KIF21A: variants seen among roughly 807,000 people sequenced by gnomAD.
KIF21A encodes the protein kinesin-like protein KIF21A.
A neutral mutation model predicts 202.9 loss-of-function variants in KIF21A; 114 were observed. That is an observed-to-expected ratio of 0.56 (90% CI 0.48 to 0.66). KIF21A has a LOEUF of 0.66. Ranked by LOEUF, KIF21A falls within the 30% of genes least tolerant of loss-of-function variation. The pLI is 0.00. For synonymous variants in KIF21A, 667 were observed against 670.8 expected, an observed-to-expected ratio of 0.99 and a Z score of 0.09; for missense variants, 1,677 against 1,994.9, an observed-to-expected ratio of 0.84 and a Z score of 3.04.
chr12:39,346,063 T>C (rs946870070), intron 12 of KIF21A, among the ~76,000 whole-genome samples: 1 of 151,990 alleles, frequency 6.6e-6, no homozygotes, highest in African/African-American at 2.4e-5. Context: ...ATTCAGCATG[T>C]GCTACAACAA....
At chr12:39,436,422 TTATATATA>T (rs1199818833) in intron 1 of KIF21A, among the ~76,000 whole-genome samples, 6 of 99,116 alleles carry the variant, frequency 6.1e-5, no homozygotes, top group Non-Finnish European at 5.6e-5. Flanking sequence ...GTTTACTATA[TTATATATA>T]TATATATATA....
chr12:39,441,660 T>TACAAAAAAAAAAAAAAA (rs1939602538), intron 1 of KIF21A, among the ~76,000 whole-genome samples: 1 of 37,788 alleles, frequency 2.6e-5, no homozygotes, highest in Non-Finnish European at 5.6e-5. Context: ...CCCTGGGTGG[T>TACAAAAAAAAAAAAAAA]AAAAAAAAAA....
At chr12:39,366,956 A>G in intron 5 of KIF21A, 74 bp downstream of exon 5, 8 of 1,395,334 alleles carry the variant, frequency 5.7e-6, no homozygotes, top group Non-Finnish European at 3.1e-6. Flanking sequence ...TGGCTCAAAT[A>G]TATTCTCAGA....
At chr12:39,370,467 C>T (rs1949878619) in intron 1 of KIF21A, among the ~76,000 whole-genome samples, 1 of 152,092 alleles carries the variant, frequency 6.6e-6, no homozygotes, top group East Asian at 1.9e-4. Context: ...CAATGAGTTA[C>T]TTAACAATCC....
chr12:39,359,748 C>A (rs573560624), intron 7 of KIF21A, among the ~76,000 whole-genome samples: 5 of 152,170 alleles, frequency 3.3e-5, no homozygotes, highest in Non-Finnish European at 2.9e-5. Flanking sequence ...TTTATATTAG[C>A]CTTCTTTGAC....
Position 39,319,971 on chromosome 12 carries a change from A to AGGCTCT in KIF21A, c.3708_3713dup (p.Glu1237_Pro1238dup). On this transcript the variant is annotated inframe_insertion, in exon 28 of 38. Transcript: ENST00000361418. ...ATGCCTTTCTCCTTGTTACAGGAGA[A>AGGCTCT]GGCTCTGGAATTTTTTTTTCTGATA... 6.2e-7 allele frequency: 1 copy of AGGCTCT among 1,609,216 alleles called. No homozygotes were observed.
At chr12:39,310,559 T>TA (rs1452739474) in intron 32 of KIF21A, among the ~76,000 whole-genome samples, 1 of 152,064 alleles carries the variant, frequency 6.6e-6, no homozygotes, top group African/African-American at 2.4e-5. Context: ...CTCTTATACA[T>TA]ATTCCATTTT....
At chr12:39,304,973 T>A (rs1313668950) in intron 34 of KIF21A, 35 bp from the exon 35 acceptor site, 4 of 1,062,242 alleles carry the variant, frequency 3.8e-6, no homozygotes, top group Non-Finnish European at 5.8e-6. Context: ...TTGTTTAAAA[T>A]TATTTCTTAG....
At position 39,340,923 on chromosome 12, in the gene KIF21A, T is replaced by C. The variant is rs762918844; in HGVS notation, c.2093A>G (p.Gln698Arg). 8.8e-5 allele frequency: 141 copies of C among 1,610,818 alleles called. 1 individual carries two copies. In the Admixed American group the frequency reaches 2.3e-3, roughly 26 times the overall value. Residue 698 changes from glutamine (Q) to arginine (R), a missense_variant, in exon 15 of 38, where the codon CAG (glutamine) becomes CGG (arginine). Transcript: ENST00000361418. ...ATTCTTACCTAAGTTTTGAAGCACC[T>C]GGTCTCTTTCAAGCTGAGTATCCCG... The part of the protein sequence containing the change: ...KIRDTQLERD[Q>R]VLQNLGSVES...
intron 1 of KIF21A, among the ~76,000 whole-genome samples, chr12:39,424,514 C>T (rs905717130): frequency 6.6e-6 from 1 of 152,192 alleles, no homozygotes; most frequent in South Asian, 2.1e-4. Context: ...GATTAAATAA[C>T]TGACTTGACA....
chr12:39,371,328 T>A (rs370717228), intron 1 of KIF21A, among the ~76,000 whole-genome samples: 164 of 152,232 alleles, frequency 1.1e-3, no homozygotes, highest in African/African-American at 3.6e-3. Context: ...TTATTATGAG[T>A]TGCCTTTCCT....
intron 1 of KIF21A, among the ~76,000 whole-genome samples, chr12:39,405,858 A>C (rs1390282112): frequency 2.0e-5 from 3 of 152,212 alleles, no homozygotes; most frequent in African/African-American, 7.2e-5. Context: ...AATATGCAAT[A>C]AGAAAAATAA....
intron 4 of KIF21A, 122 bp from the exon 5 acceptor site, chr12:39,367,286 C>G: frequency 9.7e-7 from 1 of 1,035,188 alleles, no homozygotes; most frequent in South Asian, 1.3e-5. Flanking sequence ...TGGAATTTCA[C>G]ATTATTAGTT....
chr12:39,304,889 G>A lies in KIF21A; in HGVS notation c.4492C>T (p.Leu1498Phe), dbSNP rs767064636. 46 of 1,609,056 alleles carry A rather than the reference G, an allele frequency of 2.9e-5. No individual in the cohort carries two copies. The highest frequency in any genetic ancestry group is 3.8e-5 in the Non-Finnish European group (45 of 1,176,204). The change falls in exon 35 of 38, where the codon CTT becomes TTT. Residue 1498 changes from leucine (L) to phenylalanine (F), a missense_variant. Physicochemically the swap from Leu to Phe is conservative, Grantham distance 22. Transcript: ENST00000361418. ...CCACTGGAAATCTGATCCACAGTAA[G>A]GCACATAACAGGGCCTAGGTGTCCT... is the stretch of plus-strand genomic sequence containing the variant. Reference protein sequence around the residue: ...LTGHLGPVMCLTVDQISSGQD... With the variant: ...LTGHLGPVMCFTVDQISSGQD...
At position 39,320,454 on chromosome 12, in the gene KIF21A, A is replaced by C. The variant is rs561726549; in HGVS notation, c.3672-441T>G. On this transcript the variant is annotated intron_variant, in intron 27 of 37. Transcript: ENST00000361418. The stretch of plus-strand genomic sequence containing the variant: ...TGAGACACAATCACAAAATAGTTCT[A>C]TAGGTAATCACACACACAAAAATAC... 1.7e-4 allele frequency among the ~76,000 whole-genome samples: 23 copies of C among 137,506 alleles called. No individual in the cohort carries two copies. In the South Asian group the frequency reaches 5.4e-3, roughly 32 times the overall value. 90.2% of individuals were successfully genotyped at this position (137,506 alleles called of 152,430 possible).
intron 10 of KIF21A, among the ~76,000 whole-genome samples, chr12:39,354,707 T>C (rs534263924): frequency 6.6e-6 from 1 of 152,308 alleles, no homozygotes; most frequent in East Asian, 1.9e-4. Context: ...TAAGATCTAA[T>C]TTTGACAGAA....
chr12:39,342,388 C>G (rs1947515531), intron 12 of KIF21A, among the ~76,000 whole-genome samples: 1 of 152,134 alleles, frequency 6.6e-6, no homozygotes, highest in Non-Finnish European at 1.5e-5. Context: ...AAGCACGAGA[C>G]CTCGACACCC....
chr12:39,307,984 T>A (rs1054062202), intron 33 of KIF21A, among the ~76,000 whole-genome samples: 3 of 152,180 alleles, frequency 2.0e-5, no homozygotes, highest in African/African-American at 7.2e-5. Context: ...AAACTCTTAC[T>A]TGGTATACTA....
At chr12:39,326,240 T>C (rs1945898125) in intron 25 of KIF21A, 24 bp downstream of exon 25, 2 of 1,529,388 alleles carry the variant, frequency 1.3e-6, no homozygotes, top group African/African-American at 1.4e-5. Context: ...AAGTCAACTC[T>C]ATTGTTTCTA....
Sources: gnomAD v4.1 joint callset for allele counts (sites outside exome capture counted in the v4.1 genomes callset) on GRCh38, gnomAD v4.1.1 for gene constraint, MANE v1.5 for transcripts, NCBI Gene and HGNC (gene_info 2026-07-23, HGNC 2026-07-21) for gene names.